Variants in THEMIS observed in about 807,000 individuals in gnomAD.
The protein encoded by THEMIS is thymocyte selection associated.
A neutral mutation model predicts 52.6 loss-of-function variants in THEMIS; 37 were observed. The observed-to-expected ratio is 0.70, with a 90% confidence interval of 0.54 to 0.93. The LOEUF (loss-of-function observed/expected upper bound fraction) is 0.93. Among genes scored for constraint, THEMIS ranks in the 40% least tolerant of loss-of-function variants. The pLI is 0.00. For missense variants in THEMIS, 808 were observed against 763.1 expected, an observed-to-expected ratio of 1.06 and a Z score of -0.69; for synonymous variants, 292 against 272.7, an observed-to-expected ratio of 1.07 and a Z score of -0.70.
chr6:127,796,447 T>C (rs761800246), intron 4 of THEMIS, among the ~76,000 whole-genome samples: 163 of 152,150 alleles, frequency 1.1e-3, no homozygotes, highest in Non-Finnish European at 1.6e-3. Flanking sequence ...AAAGACCAGA[T>C]CAACCTTATG....
At chr6:127,823,581 T>C (rs1778410618) in intron 3 of THEMIS, among the ~76,000 whole-genome samples, 2 of 152,152 alleles carry the variant, frequency 1.3e-5, no homozygotes, top group Admixed American at 6.5e-5. Flanking sequence ...ACTGAGAAGA[T>C]ACAAATACAT....
intron 4 of THEMIS, among the ~76,000 whole-genome samples, chr6:127,793,613 AG>A (rs1777228142): frequency 6.6e-6 from 1 of 152,188 alleles, no homozygotes; most frequent in South Asian, 2.1e-4. Context: ...AAAATACCGC[AG>A]GCTCACTTGG....
At chr6:127,788,550 T>C (rs933061196) in intron 4 of THEMIS, among the ~76,000 whole-genome samples, 1 of 152,230 alleles carries the variant, frequency 6.6e-6, no homozygotes, top group Admixed American at 6.5e-5. Flanking sequence ...TTTGAGAGTA[T>C]TCATTTACGG....
At chr6:127,915,846 G>T (rs1449584548) in intron 1 of THEMIS, among the ~76,000 whole-genome samples, 1 of 152,060 alleles carries the variant, frequency 6.6e-6, no homozygotes, top group East Asian at 1.9e-4. Flanking sequence ...AATTAGTCAG[G>T]CGTGGTGGCA....
At chr6:127,892,308 G>T (rs1207926385) in intron 1 of THEMIS, among the ~76,000 whole-genome samples, 1 of 152,158 alleles carries the variant, frequency 6.6e-6, no homozygotes, top group Middle Eastern at 3.2e-3. Context: ...TGTGGGCAAG[G>T]CTTATTTCCT....
intron 4 of THEMIS, among the ~76,000 whole-genome samples, chr6:127,787,660 G>A (rs1451740626): frequency 1.3e-5 from 2 of 151,976 alleles, no homozygotes; most frequent in Non-Finnish European, 1.5e-5. Flanking sequence ...CTTGATAAAC[G>A]ATACCATAAA....
chr6:127,864,794 A>C (rs1181653304), intron 1 of THEMIS, among the ~76,000 whole-genome samples: 1 of 152,192 alleles, frequency 6.6e-6, no homozygotes, highest in Non-Finnish European at 1.5e-5. Context: ...AAAGGTCCGC[A>C]TATCCACTCT....
At chr6:127,843,804 A>C (rs529655665) in intron 2 of THEMIS, among the ~76,000 whole-genome samples, 1 of 152,102 alleles carries the variant, frequency 6.6e-6, no homozygotes, top group South Asian at 2.1e-4. Context: ...TTCCACTCTC[A>C]GACCACTAAG....
At chr6:127,740,614 T>A (rs1012484284) in intron 4 of THEMIS, among the ~76,000 whole-genome samples, 4 of 152,118 alleles carry the variant, frequency 2.6e-5, no homozygotes, top group African/African-American at 9.7e-5. Flanking sequence ...TTGGACGACA[T>A]GAGAACGTAA....
At chr6:127,819,096 G>A (rs1778236866) in intron 3 of THEMIS, among the ~76,000 whole-genome samples, 1 of 121,626 alleles carries the variant, frequency 8.2e-6, no homozygotes, top group African/African-American at 3.3e-5. Flanking sequence ...CTCCAGCCTG[G>A]GTGAAAGAGT....
chr6:127,791,918 T>C (rs1405714570), intron 4 of THEMIS, among the ~76,000 whole-genome samples: 1 of 151,946 alleles, frequency 6.6e-6, no homozygotes, highest in Non-Finnish European at 1.5e-5. Flanking sequence ...TGGGCAGAGG[T>C]CAGGCAGCGA....
intron 3 of THEMIS, among the ~76,000 whole-genome samples, chr6:127,824,691 G>C (rs1778446074): frequency 6.6e-6 from 1 of 152,268 alleles, no homozygotes; most frequent in East Asian, 1.9e-4. Context: ...GAGAGACGGG[G>C]TTTCACCGTG....
At chr6:127,802,541 C>A (rs1777571051) in intron 4 of THEMIS, among the ~76,000 whole-genome samples, 3 of 141,002 alleles carry the variant, frequency 2.1e-5, no homozygotes, top group South Asian at 2.3e-4. Context: ...TAATTAATCA[C>A]AGTGTTCCTA....
At chr6:127,736,888 C>T (rs1775028075) in intron 4 of THEMIS, among the ~76,000 whole-genome samples, 1 of 149,394 alleles carries the variant, frequency 6.7e-6, no homozygotes, top group Admixed American at 6.7e-5. Flanking sequence ...TTGTCTGCTT[C>T]TCCTTGACAT....
At chr6:127,782,807 T>C (rs778219836) in intron 4 of THEMIS, among the ~76,000 whole-genome samples, 1 of 152,142 alleles carries the variant, frequency 6.6e-6, no homozygotes, top group Non-Finnish European at 1.5e-5. Flanking sequence ...AAAATGGCCA[T>C]ACTGCCCAAA....
intron 3 of THEMIS, among the ~76,000 whole-genome samples, chr6:127,816,777 CA>C (rs1448331231): frequency 6.6e-6 from 1 of 152,094 alleles, no homozygotes; most frequent in Non-Finnish European, 1.5e-5. Flanking sequence ...GTATAAAAGC[CA>C]AAGTCCTTAC....
chr6:127,915,766 C>T (rs1482759936), intron 1 of THEMIS, among the ~76,000 whole-genome samples: 1 of 152,128 alleles, frequency 6.6e-6, no homozygotes, highest in African/African-American at 2.4e-5. Flanking sequence ...GTGGGTGGAT[C>T]ACCAGAGGTC....
intron 2 of THEMIS, 78 bp downstream of exon 2, chr6:127,854,952 C>T (rs957550669): frequency 8.0e-7 from 1 of 1,256,832 alleles, no homozygotes; most frequent in Non-Finnish European, 1.0e-6. Context: ...CCATTTTTTT[C>T]TTGTTTTTGG....
In THEMIS at chr6:127,805,553, C is replaced by T. The variant is rs9491875; in HGVS notation, c.1758+7330G>A. Among the ~76,000 whole-genome samples, 250 of 151,966 alleles carry T rather than the reference C, an allele frequency of 1.6e-3. 1 individual carries two copies. Among genetic ancestry groups the T allele is most frequent in the African/African-American group, 5.0e-3 (207 of 41,500 alleles). The stretch of plus-strand genomic sequence containing the variant: ...TCTAAGACAAATCTTTTTCTTCTTA[C>T]GTTTTTTACTTTTCAAAGTTTGGGA... On this transcript the variant is annotated intron_variant, in intron 4 of 5. Transcript: ENST00000368248.
Sources: gnomAD v4.1 joint callset for allele counts (sites outside exome capture counted in the v4.1 genomes callset) on GRCh38, gnomAD v4.1.1 for gene constraint, MANE v1.5 for transcripts, NCBI Gene and HGNC (gene_info 2026-07-23, HGNC 2026-07-21) for gene names.